GAB2: variants seen among roughly 807,000 people sequenced by gnomAD.
GAB2 encodes the protein GRB2 associated binding protein 2.
GAB2 carries 26 observed loss-of-function variants against 65.5 expected under a neutral mutation model. That is an observed-to-expected ratio of 0.40 (90% confidence interval 0.29 to 0.55). The LOEUF (loss-of-function observed/expected upper bound fraction) is 0.55, where lower values mean the gene tolerates loss of function less well. Among genes scored for constraint, GAB2 ranks in the 20% least tolerant of loss-of-function variants. The probability of loss-of-function intolerance (pLI) is 0.53; values close to 1 mark genes in which losing one functional copy is unlikely to be tolerated. For synonymous variants in GAB2, 321 were observed against 329.6 expected (o/e 0.97, Z 0.28); for missense variants, 884 against 875.8 (o/e 1.01, Z -0.12).
chr11:78,361,611 G>A lies in GAB2; in HGVS notation c.75+56035C>T, dbSNP rs1182816222. On this transcript the variant is annotated intron_variant, in intron 1 of 9. Coordinates refer to ENST00000361507, the MANE Select transcript of GAB2 (RefSeq NM_080491.3). ...TGTTCACAGACAAATAACTATAAATGATTTTTAAACATGTGAAAAGATCAA... is the reference window on the plus strand; with the variant it reads ...TGTTCACAGACAAATAACTATAAATAATTTTTAAACATGTGAAAAGATCAA... Among the ~76,000 whole-genome samples, 3 of 152,164 alleles carry A rather than the reference G, an allele frequency of 2.0e-5. No individual in the cohort carries two copies. In the East Asian group the frequency reaches 5.8e-4, roughly 29 times the overall value.
At chr11:78,277,029 G>C (rs1300090220) in intron 2 of GAB2, among the ~76,000 whole-genome samples, 3 of 152,130 alleles carry the variant, frequency 2.0e-5, no homozygotes, top group Non-Finnish European at 2.9e-5. Flanking sequence ...GTGTCAGCCA[G>C]GATGGTGTCG....
At chr11:78,229,743 T>C (rs1384154560) in intron 3 of GAB2, among the ~76,000 whole-genome samples, 1 of 152,224 alleles carries the variant, frequency 6.6e-6, no homozygotes, top group Admixed American at 6.5e-5. Context: ...TTAGTTCCCT[T>C]TTCCACTCTA....
intron 1 of GAB2, among the ~76,000 whole-genome samples, chr11:78,312,139 TC>T (rs1356104092): frequency 6.6e-6 from 1 of 151,652 alleles, no homozygotes; most frequent in Non-Finnish European, 1.5e-5. Flanking sequence ...AACTGAATGT[TC>T]CTGGTGTTTA....
chr11:78,347,267 T>G (rs575161380), intron 1 of GAB2, among the ~76,000 whole-genome samples: 1 of 152,284 alleles, frequency 6.6e-6, no homozygotes, highest in Admixed American at 6.5e-5. Context: ...TGTGGCCAAC[T>G]TCATAAGGTT....
chr11:78,333,129 C>A (rs1008644289), intron 1 of GAB2, among the ~76,000 whole-genome samples: 1 of 152,156 alleles, frequency 6.6e-6, no homozygotes, highest in Admixed American at 6.5e-5. Flanking sequence ...GCTTTACAGT[C>A]TTCACCCGGA....
intron 1 of GAB2, among the ~76,000 whole-genome samples, chr11:78,303,822 C>G (rs1313133603): frequency 1.3e-5 from 2 of 152,124 alleles, no homozygotes; most frequent in Non-Finnish European, 2.9e-5. Context: ...GGTTTCTTAC[C>G]TCTCCCGTTG....
At chr11:78,226,434 C>CT (rs1565114352) in intron 4 of GAB2, 31 bp downstream of exon 4, 2 of 1,532,040 alleles carry the variant, frequency 1.3e-6, no homozygotes, top group Admixed American at 3.3e-5. Context: ...CCTCCTCCTC[C>CT]CTCTGAGTCT....
intron 2 of GAB2, among the ~76,000 whole-genome samples, chr11:78,266,380 C>G (rs1865876385): frequency 6.6e-6 from 1 of 152,212 alleles, no homozygotes. Flanking sequence ...CTTCCAGCCT[C>G]AATAAACTGT....
At chr11:78,291,561 C>CTTTTT (rs1163199130) in intron 1 of GAB2, among the ~76,000 whole-genome samples, 120 of 80,896 alleles carry the variant, frequency 1.5e-3, no homozygotes, top group Non-Finnish European at 1.7e-3. Context: ...TTTTCTTTTT[C>CTTTTT]TTTTTTTTTT....
At chr11:78,412,931 T>C (rs980594173) in intron 1 of GAB2, among the ~76,000 whole-genome samples, 3 of 152,202 alleles carry the variant, frequency 2.0e-5, no homozygotes, top group African/African-American at 7.2e-5. Context: ...TATAACAAGA[T>C]ATTTAGATGA....
At chr11:78,228,163 C>G (rs1864741465) in intron 3 of GAB2, among the ~76,000 whole-genome samples, 1 of 152,202 alleles carries the variant, frequency 6.6e-6, no homozygotes. Flanking sequence ...AAGGGCCCAT[C>G]TGGCCCCGAT....
intron 2 of GAB2, among the ~76,000 whole-genome samples, chr11:78,271,618 C>T (rs1353282484): frequency 6.6e-6 from 1 of 152,006 alleles, no homozygotes; most frequent in African/African-American, 2.4e-5. Context: ...GATGAAAAAA[C>T]AGACAGTCTC....
chr11:78,234,872 T>C (rs1294894922), intron 3 of GAB2, among the ~76,000 whole-genome samples: 6 of 151,946 alleles, frequency 3.9e-5, no homozygotes, highest in African/African-American at 1.2e-4. Flanking sequence ...TAGCCAAGCA[T>C]GGTGGCACGC....
chr11:78,353,579 T>C (rs367868422), intron 1 of GAB2, among the ~76,000 whole-genome samples: 14 of 152,336 alleles, frequency 9.2e-5, no homozygotes, highest in South Asian at 2.1e-4. Flanking sequence ...CCTGTGATAA[T>C]AGAAATGTTT....
intron 1 of GAB2, among the ~76,000 whole-genome samples, chr11:78,301,389 G>C (rs1867015276): frequency 6.7e-6 from 1 of 148,726 alleles, no homozygotes; most frequent in Non-Finnish European, 1.5e-5. Flanking sequence ...GAGTGCAATG[G>C]CGTGATCTGG....
At chr11:78,390,521 G>A (rs1434633242) in intron 1 of GAB2, among the ~76,000 whole-genome samples, 2 of 152,144 alleles carry the variant, frequency 1.3e-5, no homozygotes, top group Admixed American at 6.5e-5. Context: ...CCAGGGAGGC[G>A]GAGGTTGCAG....
At chr11:78,260,505 C>G (rs527912363) in intron 2 of GAB2, among the ~76,000 whole-genome samples, 2 of 149,064 alleles carry the variant, frequency 1.3e-5, no homozygotes, top group African/African-American at 4.9e-5. Context: ...GAGTCTTGCT[C>G]TTGTCTCCCA....
At chr11:78,408,717 T>C (rs918086141) in intron 1 of GAB2, among the ~76,000 whole-genome samples, 2 of 151,954 alleles carry the variant, frequency 1.3e-5, no homozygotes, top group African/African-American at 4.8e-5. Flanking sequence ...GGAGGTGGAG[T>C]TCCCCTTTGG....
At chr11:78,264,112 T>C (rs1010468026) in intron 2 of GAB2, among the ~76,000 whole-genome samples, 3 of 152,156 alleles carry the variant, frequency 2.0e-5, no homozygotes, top group Non-Finnish European at 4.4e-5. Context: ...TGTTTTCATA[T>C]ATTATATAGT....
Sources: gnomAD v4.1 joint callset for allele counts (sites outside exome capture counted in the v4.1 genomes callset) on GRCh38, gnomAD v4.1.1 for gene constraint, MANE v1.5 for transcripts, NCBI Gene and HGNC (gene_info 2026-07-23, HGNC 2026-07-21) for gene names.